Variants in MTAP observed in about 807,000 individuals in gnomAD.
MTAP encodes methylthioadenosine phosphorylase.
In MTAP, 33 loss-of-function variants were observed where a neutral mutation model predicts 33.6. That is an observed-to-expected ratio of 0.98 (90% CI 0.74 to 1.31). The LOEUF is 1.31. MTAP is among the 40% of genes most tolerant of loss of function. The probability of loss-of-function intolerance (pLI) is 0.00; values close to 1 mark genes in which losing one functional copy is unlikely to be tolerated. For synonymous variants in MTAP, 148 were observed against 125.7 expected (o/e 1.18, Z -1.19); for missense variants, 367 against 360.0 (o/e 1.02, Z -0.16).
intron 1 of MTAP, among the ~76,000 whole-genome samples, chr9:21,811,452 T>A (rs1444624174): frequency 1.3e-5 from 2 of 151,864 alleles, no homozygotes; most frequent in African/African-American, 4.8e-5. Context: ...ACAAAAAAAT[T>A]TTTTTTTTCA....
At chr9:21,848,485 G>A (rs903696039) in intron 5 of MTAP, among the ~76,000 whole-genome samples, 1 of 152,080 alleles carries the variant, frequency 6.6e-6, no homozygotes, top group African/African-American at 2.4e-5. Flanking sequence ...AGTTAAAAAA[G>A]GTTCTAATTA....
intron 5 of MTAP, among the ~76,000 whole-genome samples, chr9:21,840,005 T>A (rs939838073): frequency 2.0e-5 from 3 of 152,120 alleles, no homozygotes; most frequent in African/African-American, 7.2e-5. Flanking sequence ...GGCAGGCGGA[T>A]CATGAGGTCA....
At chr9:21,830,386 C>T (rs1276987884) in intron 4 of MTAP, among the ~76,000 whole-genome samples, 3 of 152,216 alleles carry the variant, frequency 2.0e-5, no homozygotes, top group African/African-American at 4.8e-5. Context: ...TTCTTCAGTG[C>T]CTATGCCTCC....
intron 1 of MTAP, among the ~76,000 whole-genome samples, chr9:21,878,201 G>A (rs138648740): frequency 4.9e-4 from 75 of 152,058 alleles, no homozygotes; most frequent in African/African-American, 1.8e-3. Flanking sequence ...CATTGGTAAT[G>A]TCTCCTTTGT....
chr9:21,859,646 G>A, intron 7 of MTAP: 1 of 420,668 alleles, frequency 2.4e-6, no homozygotes, highest in Non-Finnish European at 4.2e-6. Context: ...GGTTGAGAGA[G>A]TTTTATTATC....
At chr9:21,833,722 G>C (rs1013275251) in intron 4 of MTAP, among the ~76,000 whole-genome samples, 1 of 152,226 alleles carries the variant, frequency 6.6e-6, no homozygotes, top group Non-Finnish European at 1.5e-5. Flanking sequence ...ATTCTGAAAT[G>C]TCCTCAGAGG....
In MTAP at chr9:21,818,205, A is replaced by AAGCAGTC; in HGVS notation, c.347+5_347+11dup. ...ATTATTGATCAGTTCATTGACAGGT[A>AAGCAGTC]AGCAGTCATACAAAATGCTTTAGGC... On this transcript the variant is annotated splice_donor_region_variant and intron_variant, in intron 4 of 7. Transcript: ENST00000644715. 6.2e-7 allele frequency: 1 copy of AAGCAGTC among 1,611,704 alleles called. No homozygotes were observed. Among genetic ancestry groups the AAGCAGTC allele is most frequent in the Non-Finnish European group, 8.5e-7 (1 of 1,178,878 alleles).
intron 6 of MTAP, among the ~76,000 whole-genome samples, chr9:21,855,714 A>T (rs1390449000): frequency 6.6e-6 from 1 of 152,154 alleles, no homozygotes; most frequent in Non-Finnish European, 1.5e-5. Flanking sequence ...ACAAAACAAA[A>T]CAAAACTTTA....
chr9:21,902,524 C>T (rs1049033818), intron 1 of MTAP, among the ~76,000 whole-genome samples: 1 of 152,210 alleles, frequency 6.6e-6, no homozygotes, highest in Non-Finnish European at 1.5e-5. Flanking sequence ...TAACCATACA[C>T]CATCCACTTT....
intron 5 of MTAP, among the ~76,000 whole-genome samples, chr9:21,853,388 A>T (rs531544329): frequency 4.0e-4 from 61 of 152,326 alleles, no homozygotes; most frequent in African/African-American, 1.4e-3. Flanking sequence ...TTTTATTTTC[A>T]GCATTTATAA....
At chr9:21,931,589 C>A (rs1563875182), downstream of MTAP, 1 of 168,446 alleles carries the variant, frequency 5.9e-6, no homozygotes, top group Non-Finnish European at 1.3e-5. Flanking sequence ...TGGAGTTTAA[C>A]TGGTATACAG....
chr9:21,862,208 G>A lies in MTAP; in HGVS notation c.*194G>A. ...ATGATTTAGACAACTTCAAAATACAGAAGAAAAGCAAATGACTAGTAAACA... is the reference window on the plus strand; with the variant it reads ...ATGATTTAGACAACTTCAAAATACAAAAGAAAAGCAAATGACTAGTAAACA... On this transcript the variant is annotated 3_prime_UTR_variant, in exon 8 of 8. Transcript: ENST00000644715. 1.5e-6 allele frequency: 2 copies of A among 1,303,786 alleles called. No homozygotes were observed. Among genetic ancestry groups the A allele is most frequent in the East Asian group, 2.9e-5 (1 of 34,012 alleles). The allele number at this position is 1,303,786 out of a possible 1,614,324, so 80.8% of individuals were successfully genotyped here.
chr9:21,804,142 G>A (rs182622210), intron 1 of MTAP, among the ~76,000 whole-genome samples: 1 of 152,266 alleles, frequency 6.6e-6, no homozygotes, highest in Admixed American at 6.5e-5. Context: ...TGCTAGGAGG[G>A]CTAGAATTAT....
intron 1 of MTAP, among the ~76,000 whole-genome samples, chr9:21,880,169 C>T (rs1036354681): frequency 6.6e-6 from 1 of 151,938 alleles, no homozygotes; most frequent in Admixed American, 6.6e-5. Context: ...GGTGGATCCC[C>T]CGTAAAGGAA....
At chr9:21,825,824 G>A (rs7867319) in intron 4 of MTAP, among the ~76,000 whole-genome samples, 25 of 152,134 alleles carry the variant, frequency 1.6e-4, no homozygotes, top group African/African-American at 4.8e-4. Flanking sequence ...CTGGGTGACA[G>A]CAAAAAAGCC....
intron 5 of MTAP, among the ~76,000 whole-genome samples, chr9:21,848,596 CA>C (rs1269411291): frequency 6.6e-6 from 1 of 152,110 alleles, no homozygotes; most frequent in Non-Finnish European, 1.5e-5. Flanking sequence ...GGAGGGGATC[CA>C]AAGGCTTATG....
chr9:21,818,002 C>A (rs766081484), intron 3 of MTAP, 33 bp from the exon 4 acceptor site: 12 of 1,592,450 alleles, frequency 7.5e-6, no homozygotes, highest in Non-Finnish European at 9.4e-6. Context: ...GTGTACTCAT[C>A]ACGGGTTAAC....
At chr9:21,899,502 AG>A (rs1818353765) in intron 1 of MTAP, among the ~76,000 whole-genome samples, 1 of 152,022 alleles carries the variant, frequency 6.6e-6, no homozygotes, top group Admixed American at 6.5e-5. Flanking sequence ...TAAAGGAGAG[AG>A]GTTCAGTTGA....
Position 21,828,374 on chromosome 9 carries a change from G to C in MTAP, c.348-9534G>C, listed in dbSNP as rs1445749798. On this transcript the variant is annotated intron_variant, in intron 4 of 7. Transcript: ENST00000644715. Reference sequence around the variant, plus strand: ...TTACAACAACAGGAGGAAAGAATCTGTTAAAAGAAGGATCCCTGGCAGGGT... The same window carrying C: ...TTACAACAACAGGAGGAAAGAATCTCTTAAAAGAAGGATCCCTGGCAGGGT... 2.6e-5 allele frequency among the ~76,000 whole-genome samples: 4 copies of C among 152,176 alleles called. No individual in the cohort carries two copies. In the South Asian group the frequency reaches 6.2e-4, roughly 24 times the overall value.
Sources: allele counts gnomAD v4.1 joint callset (sites outside exome capture counted in the v4.1 genomes callset), GRCh38; gene constraint gnomAD v4.1.1; transcripts MANE v1.5; gene names NCBI Gene and HGNC (gene_info 2026-07-23, HGNC 2026-07-21).